The following ATF7IP2 variants were observed in gnomAD, a reference collection of about 807,000 sequenced individuals.
ATF7IP2 encodes activating transcription factor 7-interacting protein 2.
ATF7IP2 carries 42 observed loss-of-function variants against 64.2 expected under a neutral mutation model. That is an observed-to-expected ratio of 0.65 (90% CI 0.51 to 0.85). ATF7IP2 has a LOEUF of 0.85. Among genes scored for constraint, ATF7IP2 ranks in the 40% least tolerant of loss-of-function variants. The pLI is 0.00. For missense variants in ATF7IP2, 933 were observed against 784.2 expected (o/e 1.19, Z -2.27); for synonymous variants, 308 against 272.8 (o/e 1.13, Z -1.27).
At chr16:10,425,236 T>C (rs921667921) in intron 3 of ATF7IP2, among the ~76,000 whole-genome samples, 24 of 150,748 alleles carry the variant, frequency 1.6e-4, no homozygotes, top group African/African-American at 5.9e-4. Context: ...TTTTTTTTTT[T>C]TTTTTGTACT....
At chr16:10,407,554 T>G (rs1257986683) in intron 1 of ATF7IP2, among the ~76,000 whole-genome samples, 1 of 152,186 alleles carries the variant, frequency 6.6e-6, no homozygotes, top group Non-Finnish European at 1.5e-5. Flanking sequence ...CCGTACAAAA[T>G]TCAGTACCAT....
At chr16:10,435,494 T>G (rs768042830) in intron 6 of ATF7IP2, among the ~76,000 whole-genome samples, 2 of 152,214 alleles carry the variant, frequency 1.3e-5, no homozygotes, top group Non-Finnish European at 2.9e-5. Flanking sequence ...ACATTACCAT[T>G]GGTAAAAACA....
rs1341609895 is a variant in ATF7IP2, at chr16:10,480,932, G to A, written c.1603G>A (p.Glu535Lys). 6.2e-7 allele frequency: 1 copy of A among 1,612,828 alleles called. No homozygotes were observed. Among genetic ancestry groups the A allele is most frequent in the East Asian group, 2.2e-5 (1 of 44,860 alleles). ...SHSKAASNSKETTPLAQNAVQ... is the reference protein window; with the variant it reads ...SHSKAASNSKKTTPLAQNAVQ... ...TTCGAAAGCTGCTTCAAACTCAAAG[G>A]AAACAACCCCATTGGCACAAAATGC... Residue 535 changes from glutamate to lysine, a missense_variant, in exon 13 of 14, where the codon GAA (glutamate) becomes AAA (lysine). Physicochemically the swap from Glu to Lys is moderately conservative, Grantham distance 56. Coordinates refer to ENST00000562102, the MANE Select transcript of ATF7IP2 (RefSeq NM_001393719.1).
At chr16:10,405,457 C>A (rs2047618071) in intron 1 of ATF7IP2, among the ~76,000 whole-genome samples, 1 of 152,144 alleles carries the variant, frequency 6.6e-6, no homozygotes, top group Admixed American at 6.5e-5. Context: ...TTAGTCCAAG[C>A]TGCATTGTTT....
chr16:10,404,936 A>G (rs140893317), intron 1 of ATF7IP2, among the ~76,000 whole-genome samples: 1 of 152,190 alleles, frequency 6.6e-6, no homozygotes, highest in Non-Finnish European at 1.5e-5. Context: ...CAGGAATTTT[A>G]TATCCAACTA....
chr16:10,437,022 A>T (rs963559594), intron 6 of ATF7IP2, among the ~76,000 whole-genome samples: 55 of 141,072 alleles, frequency 3.9e-4, no homozygotes, highest in African/African-American at 8.1e-4. Context: ...TATTTTTCCC[A>T]TTTTTTTTTT....
chr16:10,423,693 T>C (rs1261461112), intron 3 of ATF7IP2, among the ~76,000 whole-genome samples: 5 of 152,184 alleles, frequency 3.3e-5, no homozygotes, highest in Non-Finnish European at 7.4e-5. Context: ...TTTGCCACTT[T>C]AGCTTTAGCT....
At chr16:10,428,608 G>A (rs60564462) in intron 3 of ATF7IP2, among the ~76,000 whole-genome samples, 1 of 151,962 alleles carries the variant, frequency 6.6e-6, no homozygotes. Context: ...GGTAATTATA[G>A]CCTGTCAGCC....
At position 10,420,553 on chromosome 16, in the gene ATF7IP2, G is replaced by A. The variant is rs117272166; in HGVS notation, c.-160+930G>A. On this transcript the variant is annotated intron_variant, in intron 3 of 13. Transcript: ENST00000562102. ...TTAAATTGTGAAAGTGTCTGTCTTAGATACTGCAGTAGCAACTAGGTGATC... is the reference window on the plus strand; with the variant it reads ...TTAAATTGTGAAAGTGTCTGTCTTAAATACTGCAGTAGCAACTAGGTGATC... Among the ~76,000 whole-genome samples, 1,465 of 152,306 alleles carry A rather than the reference G, an allele frequency of 9.6e-3. 77 individuals are homozygous for A. The highest frequency in any genetic ancestry group is 0.074 in the Admixed American group (1,135 of 15,300).
At chr16:10,397,243 T>C (rs1249108488) in intron 1 of ATF7IP2, among the ~76,000 whole-genome samples, 2 of 152,228 alleles carry the variant, frequency 1.3e-5, no homozygotes, top group African/African-American at 2.4e-5. Context: ...GTGGTATATT[T>C]TGAAATTGTC....
chr16:10,407,375 G>T (rs2047664108), intron 1 of ATF7IP2, among the ~76,000 whole-genome samples: 1 of 152,184 alleles, frequency 6.6e-6, no homozygotes, highest in Non-Finnish European at 1.5e-5. Flanking sequence ...AGTACTATAA[G>T]TCCTAGCTAG....
intron 8 of ATF7IP2, among the ~76,000 whole-genome samples, chr16:10,452,000 C>G (rs761427064): frequency 6.6e-6 from 1 of 151,940 alleles, no homozygotes; most frequent in Non-Finnish European, 1.5e-5. Context: ...TGCAGTGAGT[C>G]GAGATCGCTC....
chr16:10,431,188 G>T lies in ATF7IP2; in HGVS notation c.568G>T (p.Gly190Cys). 1.2e-6 allele frequency: 2 copies of T among 1,614,092 alleles called. No individual in the cohort carries two copies. Residue 190 changes from glycine to cysteine, a missense_variant, in exon 5 of 14, where the codon GGT (glycine) becomes TGT (cysteine). Gly to Cys is a radical substitution (Grantham distance 159). Coordinates refer to ENST00000562102, the MANE Select transcript of ATF7IP2 (RefSeq NM_001393719.1). ...AGAGTCTACAGTAACCAGTACCGTGGGTGACAAGAAAACTGACCAGATGGT... is the reference window on the plus strand; with the variant it reads ...AGAGTCTACAGTAACCAGTACCGTGTGTGACAAGAAAACTGACCAGATGGT... ...MPESTVTSTV[G>C]DKKTDQMVFH...
chr16:10,426,921 C>T (rs191763396), intron 3 of ATF7IP2, among the ~76,000 whole-genome samples: 3 of 149,362 alleles, frequency 2.0e-5, no homozygotes, highest in Non-Finnish European at 4.5e-5. Context: ...GGTGTGATCT[C>T]GGCTCACTGC....
At chr16:10,393,290 T>C (rs2047362766) in intron 1 of ATF7IP2, among the ~76,000 whole-genome samples, 2 of 120,488 alleles carry the variant, frequency 1.7e-5, no homozygotes, top group Admixed American at 1.1e-4. Flanking sequence ...CACTCCAGGC[T>C]GGGTGACAGA....
chr16:10,481,173 C>T (rs924888891), intron 13 of ATF7IP2, among the ~76,000 whole-genome samples: 2 of 152,056 alleles, frequency 1.3e-5, no homozygotes, highest in Non-Finnish European at 2.9e-5. Flanking sequence ...TTTTATTGAA[C>T]AAATTGGAAA....
At chr16:10,419,426 G>A (rs955088049) in intron 2 of ATF7IP2, among the ~76,000 whole-genome samples, 155 bp from the exon 3 acceptor site, 1 of 152,118 alleles carries the variant, frequency 6.6e-6, no homozygotes, top group Admixed American at 6.5e-5. Flanking sequence ...CCAAGTTACA[G>A]GCCATAGAAG....
At chr16:10,416,844 A>C (rs111999222) in intron 2 of ATF7IP2, among the ~76,000 whole-genome samples, 180 of 152,332 alleles carry the variant, frequency 1.2e-3, no homozygotes, top group Middle Eastern at 3.4e-3. Flanking sequence ...CCTAGTATTT[A>C]ATTGCACAAC....
chr16:10,451,919 G>A (rs1338542950), intron 8 of ATF7IP2, among the ~76,000 whole-genome samples: 1 of 151,982 alleles, frequency 6.6e-6, no homozygotes, highest in African/African-American at 2.4e-5. Flanking sequence ...TGGGCGTGGT[G>A]GTGCACGCCT....
Sources: gnomAD v4.1 joint callset for allele counts (sites outside exome capture counted in the v4.1 genomes callset) on GRCh38, gnomAD v4.1.1 for gene constraint, MANE v1.5 for transcripts, NCBI Gene and HGNC (gene_info 2026-07-23, HGNC 2026-07-21) for gene names.